FHIP1A: variants seen among roughly 807,000 people sequenced by gnomAD.
The protein encoded by FHIP1A is FHF complex subunit HOOK interacting protein 1A.
Under a neutral mutation model 88.6 loss-of-function variants are expected in FHIP1A, and 61 were observed. The observed-to-expected ratio is 0.69, with a 90% CI of 0.56 to 0.85. The LOEUF is 0.85. Ranked by LOEUF, FHIP1A falls within the 40% of genes least tolerant of loss-of-function variation. FHIP1A has a pLI of 0.00. For synonymous variants in FHIP1A, 478 were observed against 496.0 expected, an observed-to-expected ratio of 0.96 and a Z score of 0.48; for missense variants, 1,154 against 1,273.5, an observed-to-expected ratio of 0.91 and a Z score of 1.43.
chr4:151,548,563 G>T (rs796101805), intron 3 of FHIP1A, among the ~76,000 whole-genome samples: 9 of 152,302 alleles, frequency 5.9e-5, no homozygotes, highest in African/African-American at 2.2e-4. Flanking sequence ...GACCTCTGGT[G>T]GTCCTCACTG....
At chr4:151,589,474 C>A (rs1277585517) in intron 7 of FHIP1A, among the ~76,000 whole-genome samples, 1 of 152,164 alleles carries the variant, frequency 6.6e-6, no homozygotes, top group Non-Finnish European at 1.5e-5. Context: ...TATAATAAAT[C>A]AACTGATATC....
intron 2 of FHIP1A, among the ~76,000 whole-genome samples, chr4:151,464,568 A>G (rs758534371): frequency 6.6e-6 from 1 of 152,090 alleles, no homozygotes; most frequent in Non-Finnish European, 1.5e-5. Flanking sequence ...TTGCTTGTAT[A>G]TTGCTTCCTG....
Position 151,411,343 on chromosome 4 carries a change from A to ATTCTTTTTTTTTTTTTT in FHIP1A, c.-356+1879_-356+1880insTCTTTTTTTTTTTTTTT, listed in dbSNP as rs370374898. Among the ~76,000 whole-genome samples the ATTCTTTTTTTTTTTTTT allele has an allele frequency of 6.8e-3, 763 of 112,128 alleles. 77 individuals carry two copies. The highest frequency in any genetic ancestry group is 0.019 in the African/African-American group (519 of 27,364). 73.6% of individuals were successfully genotyped at this position (112,128 alleles called of 152,430 possible). On this transcript the variant is annotated intron_variant, in intron 1 of 13. Coordinates refer to ENST00000435205, the MANE Select transcript of FHIP1A (RefSeq NM_001109977.3). ...AATTGCCTCTGAGGAGTGAAATTAT[A>ATTCTTTTTTTTTTTTTT]TATATATTTTTTTTTTTTTAAAGTT... is the stretch of plus-strand genomic sequence containing the variant.
intron 2 of FHIP1A, among the ~76,000 whole-genome samples, chr4:151,463,484 C>T (rs548116248): frequency 6.6e-6 from 1 of 152,306 alleles, no homozygotes; most frequent in South Asian, 2.1e-4. Context: ...GATGACCTTC[C>T]AATTAGAAGA....
intron 1 of FHIP1A, among the ~76,000 whole-genome samples, chr4:151,432,339 A>T (rs1181496114): frequency 6.6e-6 from 1 of 152,200 alleles, no homozygotes; most frequent in African/African-American, 2.4e-5. Flanking sequence ...AGACACTAGG[A>T]ATCATTCATC....
At position 151,650,042 on chromosome 4, in the gene FHIP1A, A is replaced by G. The variant is rs767799864; in HGVS notation, c.2001A>G (p.Pro667=). The change falls in exon 11 of 14, where the codon CCA becomes CCG. Residue 667 remains proline (P), a synonymous_variant. Transcript: ENST00000435205. ...CTCAGGAGGAAGCTGCTAGGCCACC[A>G]GCTGAAGCCCAGGCTGAAGTTCAGA... ...KDSQEEAARP[P]AEAQAEVQSV... 75 of 1,551,606 alleles carry G rather than the reference A, an allele frequency of 4.8e-5. No homozygotes were observed. Among genetic ancestry groups the G allele is most frequent in the Admixed American group, 7.8e-5 (4 of 50,980 alleles).
chr4:151,640,562 C>T (rs932480511), intron 9 of FHIP1A, among the ~76,000 whole-genome samples: 3 of 152,164 alleles, frequency 2.0e-5, no homozygotes, highest in Non-Finnish European at 2.9e-5. Flanking sequence ...TTGGCAAAGC[C>T]GTTTTTAGTG....
At chr4:151,469,021 T>C (rs1729423085) in intron 2 of FHIP1A, among the ~76,000 whole-genome samples, 5 of 152,194 alleles carry the variant, frequency 3.3e-5, no homozygotes, top group Admixed American at 1.3e-4. Context: ...TTTGCTTGAA[T>C]ATGTGGTTAT....
intron 3 of FHIP1A, among the ~76,000 whole-genome samples, chr4:151,525,515 G>C (rs1321359717): frequency 6.6e-6 from 1 of 152,230 alleles, no homozygotes; most frequent in African/African-American, 2.4e-5. Flanking sequence ...TTGGGGGACA[G>C]AGAAGGGGGT....
chr4:151,577,083 G>A (rs1733819492), intron 4 of FHIP1A, among the ~76,000 whole-genome samples: 1 of 151,858 alleles, frequency 6.6e-6, no homozygotes. Context: ...TAACATCTAC[G>A]AATAGCTTGC....
chr4:151,425,780 G>C (rs562690607), intron 1 of FHIP1A, among the ~76,000 whole-genome samples: 126 of 109,150 alleles, frequency 1.2e-3, no homozygotes, highest in African/African-American at 4.2e-3. Flanking sequence ...TTGGCTTGTG[G>C]CTGCATCTCT....
chr4:151,492,694 A>G (rs1158224287), intron 3 of FHIP1A, among the ~76,000 whole-genome samples: 1 of 152,186 alleles, frequency 6.6e-6, no homozygotes, highest in Non-Finnish European at 1.5e-5. Context: ...CCTTAACACT[A>G]TACAAATACA....
chr4:151,542,117 G>A (rs1029468345), intron 3 of FHIP1A, among the ~76,000 whole-genome samples: 1 of 151,918 alleles, frequency 6.6e-6, no homozygotes, highest in African/African-American at 2.4e-5. Flanking sequence ...AGTAAATTCT[G>A]TTCCCCTTCA....
chr4:151,424,135 A>T (rs1733280383), intron 1 of FHIP1A, among the ~76,000 whole-genome samples: 1 of 152,136 alleles, frequency 6.6e-6, no homozygotes. Context: ...CAAGCCAGAG[A>T]TCACCCAGAA....
At chr4:151,565,313 A>C (rs1467371167) in intron 3 of FHIP1A, among the ~76,000 whole-genome samples, 1 of 152,004 alleles carries the variant, frequency 6.6e-6, no homozygotes, top group African/African-American at 2.4e-5. Flanking sequence ...ACACTCTATG[A>C]CCTCAATTTC....
In FHIP1A at chr4:151,663,049, A is replaced by C; in HGVS notation, c.*295A>C. 1 of 252,834 alleles carries C rather than the reference A, an allele frequency of 4.0e-6. No homozygotes were observed. Among genetic ancestry groups the C allele is most frequent in the South Asian group, 1.1e-4 (1 of 8,922 alleles). The allele number at this position is 252,834 out of a possible 1,614,324, so 15.7% of individuals were successfully genotyped here. ...TGTCATTCTCCTATCCCTTTGAGTT[A>C]CTCTTCTTGCAGCTCAGATCACGTC... is the stretch of plus-strand genomic sequence containing the variant. On this transcript the variant is annotated 3_prime_UTR_variant, in exon 14 of 14. Transcript: ENST00000435205.
intron 3 of FHIP1A, among the ~76,000 whole-genome samples, chr4:151,528,069 G>A (rs1161263179): frequency 6.6e-6 from 1 of 152,196 alleles, no homozygotes; most frequent in Non-Finnish European, 1.5e-5. Context: ...TCAGATCTGA[G>A]TTTTTCTGCT....
intron 2 of FHIP1A, among the ~76,000 whole-genome samples, chr4:151,468,658 G>T (rs1729408948): frequency 1.3e-5 from 2 of 152,312 alleles, no homozygotes; most frequent in South Asian, 4.1e-4. Flanking sequence ...GCCACTGGAT[G>T]TGTATGTACA....
chr4:151,412,606 T>TCCTTCCTTCCTCCCTC (rs1732700246), intron 1 of FHIP1A, among the ~76,000 whole-genome samples: 1 of 138,588 alleles, frequency 7.2e-6, no homozygotes, highest in Non-Finnish European at 1.6e-5. Context: ...CTTCCTTCCT[T>TCCTTCCTTCCTCCCTC]CCTTCCTCCC....
Sources: gnomAD v4.1 joint callset for allele counts (sites outside exome capture counted in the v4.1 genomes callset) on GRCh38, gnomAD v4.1.1 for gene constraint, MANE v1.5 for transcripts, NCBI Gene and HGNC (gene_info 2026-07-23, HGNC 2026-07-21) for gene names.